The following METTL15 variants were observed in gnomAD, a reference collection of about 807,000 sequenced individuals.
METTL15 encodes the protein methyltransferase 15, mitochondrial 12S rRNA N4-cytidine, also known as 12S rRNA N(4)-cytidine methyltransferase METTL15.
METTL15 carries 34 observed loss-of-function variants against 38.3 expected under a neutral mutation model. That is an observed-to-expected ratio of 0.89 (90% CI 0.68 to 1.18). METTL15 has a LOEUF of 1.18. METTL15 is among the 50% of genes most tolerant of loss of function. METTL15 has a pLI of 0.00. For synonymous variants in METTL15, 162 were observed against 170.9 expected (o/e 0.95, Z 0.41); for missense variants, 438 against 498.4 (o/e 0.88, Z 1.15).
intron 4 of METTL15, among the ~76,000 whole-genome samples, chr11:28,247,182 C>T (rs1341452543): frequency 6.6e-6 from 1 of 151,976 alleles, no homozygotes; most frequent in Non-Finnish European, 1.5e-5. Context: ...ACACTGATTT[C>T]AAATACTTAG....
Position 28,492,520 on chromosome 11 carries a change from CCA to C in METTL15, c.*425-33933_*425-33932del, listed in dbSNP as rs34573735. Among the ~76,000 whole-genome samples the C allele has an allele frequency of 5.5e-3, 806 of 147,048 alleles. 7 individuals are homozygous for C. The highest frequency in any genetic ancestry group is 0.015 in the African/African-American group (594 of 40,316). ...TAAATTTTAGAAAAGGCAACTGGAG[CCA>C]CACACACACACACACACACACACAT... is the stretch of plus-strand genomic sequence containing the variant. On this transcript the variant is annotated intron_variant and NMD_transcript_variant, in intron 6 of 7. Coordinates refer to the METTL15 transcript ENST00000532947.
intron 4 of METTL15, among the ~76,000 whole-genome samples, chr11:28,216,840 C>T (rs1350327283): frequency 1.3e-5 from 2 of 151,470 alleles, no homozygotes; most frequent in African/African-American, 4.9e-5. Flanking sequence ...CGATAGTTTG[C>T]TGAGAATGAT....
At chr11:28,315,700 G>C (rs1357181617) in intron 6 of METTL15, among the ~76,000 whole-genome samples, 1 of 152,244 alleles carries the variant, frequency 6.6e-6, no homozygotes, top group Non-Finnish European at 1.5e-5. Context: ...AGGAGGAAAA[G>C]ATGGATTCAT....
chr11:28,280,662 T>G (rs948822155), intron 4 of METTL15, among the ~76,000 whole-genome samples: 2 of 132,086 alleles, frequency 1.5e-5, no homozygotes, highest in Non-Finnish European at 1.5e-5. Context: ...ACCATGTCTC[T>G]TATGCTTTTT....
chr11:28,211,045 T>G lies in METTL15; in HGVS notation c.271-17T>G, dbSNP rs375586244. On this transcript the variant is annotated splice_polypyrimidine_tract_variant and intron_variant, in intron 3 of 6. Coordinates refer to ENST00000407364, the MANE Select transcript of METTL15 (RefSeq NM_001113528.2). Reference sequence around the variant, plus strand: ...TGTTTATGCTAAGTTGTAATTTTCTTTTTCTGTGTTTGCTAGATTTTTCTA... The same window carrying G: ...TGTTTATGCTAAGTTGTAATTTTCTGTTTCTGTGTTTGCTAGATTTTTCTA... The G allele has an allele frequency of 3.6e-5, 58 of 1,594,100 alleles. No homozygotes were observed. The highest frequency in any genetic ancestry group is 4.8e-5 in the Non-Finnish European group (56 of 1,173,996).
intron 5 of METTL15, among the ~76,000 whole-genome samples, chr11:28,379,458 C>A (rs1186085362): frequency 1.3e-5 from 2 of 152,036 alleles, no homozygotes; most frequent in Non-Finnish European, 2.9e-5. Context: ...TTCATTTCTT[C>A]ATTGACCCAT....
intron 6 of METTL15, among the ~76,000 whole-genome samples, chr11:28,443,289 C>G (rs1404070641): frequency 6.6e-6 from 1 of 151,868 alleles, no homozygotes; most frequent in Non-Finnish European, 1.5e-5. Flanking sequence ...ATAGCCGCCT[C>G]TCGTTATTCT....
At chr11:28,355,024 G>A (rs1850077831) in intron 4 of METTL15, among the ~76,000 whole-genome samples, 1 of 152,078 alleles carries the variant, frequency 6.6e-6, no homozygotes, top group Non-Finnish European at 1.5e-5. Context: ...TCTGGGACTA[G>A]GAAAGGTCCC....
chr11:28,292,765 A>G (rs1856569398), intron 5 of METTL15, among the ~76,000 whole-genome samples: 1 of 152,124 alleles, frequency 6.6e-6, no homozygotes, highest in South Asian at 2.1e-4. Flanking sequence ...CTGGTGTGAG[A>G]TGGTATCTCA....
intron 6 of METTL15, among the ~76,000 whole-genome samples, chr11:28,519,902 C>A (rs1851750383): frequency 6.6e-6 from 1 of 152,166 alleles, no homozygotes; most frequent in African/African-American, 2.4e-5. Context: ...AACAAGAACC[C>A]AAGCCCCCTG....
intron 5 of METTL15, among the ~76,000 whole-genome samples, chr11:28,378,582 TA>T (rs1472284725): frequency 1.3e-5 from 2 of 152,120 alleles, no homozygotes; most frequent in African/African-American, 4.8e-5. Flanking sequence ...ATGAACCGGG[TA>T]CCTCAGATGG....
At chr11:28,140,404 T>G (rs1330019378) in intron 3 of METTL15, among the ~76,000 whole-genome samples, 3 of 152,166 alleles carry the variant, frequency 2.0e-5, no homozygotes, top group African/African-American at 7.2e-5. Flanking sequence ...TCCAGCATCC[T>G]GTCCTCTGTA....
At chr11:28,310,377 C>CAT (rs1857232917) in intron 6 of METTL15, among the ~76,000 whole-genome samples, 1 of 151,182 alleles carries the variant, frequency 6.6e-6, no homozygotes, top group Non-Finnish European at 1.5e-5. Flanking sequence ...CACACACACA[C>CAT]GCACGCACCC....
chr11:28,296,054 G>C (rs1471135121), intron 5 of METTL15, among the ~76,000 whole-genome samples: 1 of 152,096 alleles, frequency 6.6e-6, no homozygotes. Context: ...TATTTGACCA[G>C]AGGTTGGTAT....
chr11:28,460,827 G>A (rs1299393315), intron 6 of METTL15, among the ~76,000 whole-genome samples: 1 of 152,042 alleles, frequency 6.6e-6, no homozygotes, highest in Admixed American at 6.6e-5. Flanking sequence ...GTTAAGAGGT[G>A]CAGCAGGCTC....
At chr11:28,226,688 T>C (rs2133874861) in intron 4 of METTL15, among the ~76,000 whole-genome samples, 1 of 152,018 alleles carries the variant, frequency 6.6e-6, no homozygotes, top group South Asian at 2.1e-4. Context: ...CAAGAAGCAA[T>C]TTAGTCACAT....
chr11:28,528,243 T>G (rs1851825014), downstream of METTL15, among the ~76,000 whole-genome samples: 1 of 152,192 alleles, frequency 6.6e-6, no homozygotes, highest in African/African-American at 2.4e-5. Context: ...ATGTACTTTA[T>G]TTTTGAAGGC....
chr11:28,212,038 A>G (rs565517419), intron 4 of METTL15, among the ~76,000 whole-genome samples: 1 of 152,218 alleles, frequency 6.6e-6, no homozygotes, highest in East Asian at 1.9e-4. Context: ...ATTCAACAAC[A>G]AAATGGTCTC....
chr11:28,420,512 T>G (rs548105232), intron 5 of METTL15, among the ~76,000 whole-genome samples: 2 of 152,210 alleles, frequency 1.3e-5, no homozygotes, highest in East Asian at 3.9e-4. Context: ...TAAAATAATA[T>G]TAAGTATCTT....
Sources: gnomAD v4.1 joint callset for allele counts (sites outside exome capture counted in the v4.1 genomes callset) on GRCh38, gnomAD v4.1.1 for gene constraint, MANE v1.5 for transcripts, NCBI Gene and HGNC (gene_info 2026-07-23, HGNC 2026-07-21) for gene names.